Variants in MS4A2 observed in about 807,000 individuals in gnomAD.
The protein encoded by MS4A2 is high affinity immunoglobulin epsilon receptor subunit beta.
In MS4A2, 26 loss-of-function variants were observed where a neutral mutation model predicts 27.9. That is an observed-to-expected ratio of 0.93 (90% CI 0.68 to 1.29). The LOEUF (loss-of-function observed/expected upper bound fraction) is 1.29, where lower values mean the gene tolerates loss of function less well. MS4A2 is among the 50% of genes most tolerant of loss of function. The probability of loss-of-function intolerance (pLI) is 0.00; values close to 1 mark genes in which losing one functional copy is unlikely to be tolerated. For synonymous variants in MS4A2, 110 were observed against 98.8 expected (o/e 1.11, Z -0.67); for missense variants, 284 against 284.6 (o/e 1.00, Z 0.01).
intron 4 of MS4A2, 25 bp downstream of exon 4, chr11:60,092,873 T>A (rs78842432): frequency 6.2e-7 from 1 of 1,606,608 alleles, no homozygotes; most frequent in Non-Finnish European, 8.5e-7. Flanking sequence ...TCTGTCTTTG[T>A]CCATCCTTGA....
In MS4A2 at chr11:60,089,689, C is replaced by T; in HGVS notation, c.57-3C>T. 1 of 1,613,958 alleles carries T rather than the reference C, an allele frequency of 6.2e-7. No homozygotes were observed. The highest frequency in any genetic ancestry group is 8.5e-7 in the Non-Finnish European group (1 of 1,179,962). On this transcript the variant is annotated splice_polypyrimidine_tract_variant and splice_region_variant and intron_variant, in intron 1 of 6. Transcript: ENST00000278888. Reference sequence around the variant, plus strand: ...ATGACTGAATTGCTTTTAAATTTCACAGTGTGCCTGCATTTGAAGTCTTGG... The same window carrying T: ...ATGACTGAATTGCTTTTAAATTTCATAGTGTGCCTGCATTTGAAGTCTTGG...
rs746079093 is a variant in MS4A2 at position 60,097,170 on chromosome 11, T to A, written c.*1514T>A. On this transcript the variant is annotated 3_prime_UTR_variant, in exon 7 of 7. Coordinates refer to ENST00000278888, the MANE Select transcript of MS4A2 (RefSeq NM_000139.5). ...AAGTGAAGCTAAGCTAAACTTCACA[T>A]GCCTATAATTGGAGGGAAAAACTAA... 2.0e-5 allele frequency: 3 copies of A among 152,198 alleles called. No individual in the cohort carries two copies. The highest frequency in any genetic ancestry group is 4.4e-5 in the Non-Finnish European group (3 of 68,030). 9.4% of individuals were successfully genotyped at this position (152,198 alleles called of 1,614,324 possible).
chr11:60,094,149 A>G (rs1454636724), intron 6 of MS4A2, 87 bp downstream of exon 6: 1 of 874,774 alleles, frequency 1.1e-6, no homozygotes, highest in African/African-American at 1.7e-5. Context: ...GGTTTTCTGA[A>G]ACATTTCTTC....
At position 60,090,342 on chromosome 11, in the gene MS4A2, C is replaced by A. The variant is rs985136326; in HGVS notation, c.193C>A (p.Gln65Lys). 45 of 1,612,622 alleles carry A rather than the reference C, an allele frequency of 2.8e-5. No individual in the cohort carries two copies. Among genetic ancestry groups the A allele is most frequent in the Non-Finnish European group, 3.8e-5 (45 of 1,179,836 alleles). Reference sequence around the variant, plus strand: ...TTCATGTGTTTTTCTATAGGTAACACAAATTCTGACTGCTATGATATGCCT... The same window carrying A: ...TTCATGTGTTTTTCTATAGGTAACAAAAATTCTGACTGCTATGATATGCCT... ...KKEQEFLGVT[Q>K]ILTAMICLCF... The change falls in exon 3 of 7, where the codon CAA becomes AAA. Residue 65 changes from glutamine (Q) to lysine (K), a missense_variant. Physicochemically the swap from Gln to Lys is moderately conservative, Grantham distance 53. Transcript: ENST00000278888.
At chr11:60,088,461 C>A, upstream of MS4A2, 1 of 358,030 alleles carries the variant, frequency 2.8e-6, no homozygotes. Flanking sequence ...GTCTCATTTT[C>A]AGGTTCTGTA....
chr11:60,095,881 G>A lies in MS4A2; in HGVS notation c.*225G>A. 1 of 543,632 alleles carries A rather than the reference G, an allele frequency of 1.8e-6. No homozygotes were observed. The highest frequency in any genetic ancestry group is 3.3e-6 in the Non-Finnish European group (1 of 304,170). 33.7% of individuals were successfully genotyped at this position (543,632 alleles called of 1,614,324 possible). The stretch of plus-strand genomic sequence containing the variant: ...TCCTATTTTTCTTGTTTTATATTAT[G>A]ACCACACACATCTCTGCTGGAAAGT... On this transcript the variant is annotated 3_prime_UTR_variant, in exon 7 of 7. Transcript: ENST00000278888.
chr11:60,090,204 A>T, intron 2 of MS4A2, 132 bp from the exon 3 acceptor site: 1 of 931,468 alleles, frequency 1.1e-6, no homozygotes, highest in Non-Finnish European at 1.7e-6. Context: ...GGAAAATCTT[A>T]CGTGTGGATC....
At chr11:60,091,542 C>G (rs943618887) in intron 3 of MS4A2, among the ~76,000 whole-genome samples, 1 of 152,184 alleles carries the variant, frequency 6.6e-6, no homozygotes, top group Non-Finnish European at 1.5e-5. Flanking sequence ...ACTCCTTGTC[C>G]TCTCGTTCCC....
At position 60,093,410 on chromosome 11, in the gene MS4A2, G is replaced by T; in HGVS notation, c.389G>T (p.Ser130Ile). The T allele has an allele frequency of 6.2e-7, 1 of 1,614,194 alleles. No individual in the cohort carries two copies. The highest frequency in any genetic ancestry group is 8.5e-7 in the Non-Finnish European group (1 of 1,180,032). ...RRNATYLVRG[S>I]LGANTASSIA... ...CTTCATTATTATCAGGTGAGAGGAA[G>T]CCTGGGAGCAAACACTGCCAGCAGC... is the stretch of plus-strand genomic sequence containing the variant. The change falls in exon 5 of 7, where the codon AGC becomes ATC. Residue 130 changes from serine (S) to isoleucine (I), a missense_variant. By Grantham distance (142) the Ser-to-Ile change is moderately radical (BLOSUM62 -2). Transcript: ENST00000278888.
At position 60,096,020 on chromosome 11, in the gene MS4A2, T is replaced by C. The variant is rs1855863401; in HGVS notation, c.*364T>C. The C allele has an allele frequency of 3.9e-5, 10 of 256,378 alleles. No homozygotes were observed. The South Asian group carries it at 4.5e-4, about 12-fold the overall frequency. The allele number at this position is 256,378 out of a possible 1,614,324, so 15.9% of individuals were successfully genotyped here. A position where few individuals can be genotyped will look rare whatever the true frequency, so the allele number is the denominator to read the frequency against. On this transcript the variant is annotated 3_prime_UTR_variant, in exon 7 of 7. Transcript: ENST00000278888. ...TGACAGTTTGATAATATTTGGTTCTTAGGGTTTTTTTTTTTTTTTAGCATT... is the reference window on the plus strand; with the variant it reads ...TGACAGTTTGATAATATTTGGTTCTCAGGGTTTTTTTTTTTTTTTAGCATT...
In MS4A2 at chr11:60,090,397, T is replaced by C; in HGVS notation, c.248T>C (p.Leu83Pro). ...TTTGGAACAGTTGTCTGCTCTGTAC[T>C]TGATATTTCACACATTGAGGGAGAC... ...LCFGTVVCSV[L>P]DISHIEGDIF... The change falls in exon 3 of 7, where the codon CTT becomes CCT. Residue 83 changes from leucine to proline, a missense_variant. Coordinates refer to ENST00000278888, the MANE Select transcript of MS4A2 (RefSeq NM_000139.5). 1 of 1,613,558 alleles carries C rather than the reference T, an allele frequency of 6.2e-7. No homozygotes were observed. The highest frequency in any genetic ancestry group is 1.7e-5 in the Admixed American group (1 of 60,022).
chr11:60,094,076 CG>C lies in MS4A2; in HGVS notation c.636+15del, dbSNP rs1565075745. The C allele has an allele frequency of 1.9e-6, 3 of 1,566,076 alleles. No homozygotes were observed. Among genetic ancestry groups the C allele is most frequent in the Non-Finnish European group, 2.6e-6 (3 of 1,136,646 alleles). ...AAAGGAAACAAGGTAGATAGAAGCC[CG>C]ATATAAAATCTTGAATGACAGGTTA... On this transcript the variant is annotated intron_variant, in intron 6 of 6. Transcript: ENST00000278888.
At chr11:60,090,554 C>A in intron 3 of MS4A2, 84 bp downstream of exon 3, 1 of 1,241,002 alleles carries the variant, frequency 8.1e-7, no homozygotes, top group Non-Finnish European at 1.1e-6. Context: ...TGTTTATTCC[C>A]AGTATTAACA....
intron 6 of MS4A2, 75 bp from the exon 7 acceptor site, chr11:60,095,483 G>GT: frequency 1.1e-6 from 1 of 873,150 alleles, no homozygotes; most frequent in Non-Finnish European, 2.0e-6. Context: ...AGTAGATGAG[G>GT]TAAGTCTCTT....
In MS4A2 at chr11:60,095,788, A is replaced by G; in HGVS notation, c.*132A>G. On this transcript the variant is annotated 3_prime_UTR_variant, in exon 7 of 7. Coordinates refer to ENST00000278888, the MANE Select transcript of MS4A2 (RefSeq NM_000139.5). ...TTTACATTAGATTTATTCGCCTGATAAGAATATTTTGTTTCTGCTGCTTCT... is the reference window on the plus strand; with the variant it reads ...TTTACATTAGATTTATTCGCCTGATGAGAATATTTTGTTTCTGCTGCTTCT... 1 of 704,836 alleles carries G rather than the reference A, an allele frequency of 1.4e-6. No individual in the cohort carries two copies. The highest frequency in any genetic ancestry group is 1.5e-5 in the South Asian group (1 of 64,836). The allele number at this position is 704,836 out of a possible 1,614,324, so 43.7% of individuals were successfully genotyped here.
intron 2 of MS4A2, 92 bp from the exon 3 acceptor site, chr11:60,090,244 C>A: frequency 7.9e-7 from 1 of 1,264,508 alleles, no homozygotes; most frequent in Non-Finnish European, 1.1e-6. Context: ...GACACTAACG[C>A]AGTTTCTCAT....
In MS4A2 at chr11:60,095,853, G is replaced by A; in HGVS notation, c.*197G>A. On this transcript the variant is annotated 3_prime_UTR_variant, in exon 7 of 7. Transcript: ENST00000278888. ...TCTCCTTCTATTTGTAGATATGATA[G>A]ACTCCTATTTTTCTTGTTTTATATT... is the stretch of plus-strand genomic sequence containing the variant. The A allele has an allele frequency of 8.5e-6, 5 of 590,658 alleles. No homozygotes were observed. The highest frequency in any genetic ancestry group is 1.5e-5 in the Non-Finnish European group (5 of 332,622). The allele number at this position is 590,658 out of a possible 1,614,324, so 36.6% of individuals were successfully genotyped here. A position where few individuals can be genotyped will look rare whatever the true frequency, so the allele number is the denominator to read the frequency against.
upstream of MS4A2, chr11:60,088,598 C>T: frequency 6.9e-7 from 1 of 1,454,974 alleles, no homozygotes; most frequent in Non-Finnish European, 9.0e-7. Context: ...TGATCTTAAT[C>T]AGCCAAGAAA....
chr11:60,090,763 T>C (rs568918873), intron 3 of MS4A2, among the ~76,000 whole-genome samples: 40 of 152,322 alleles, frequency 2.6e-4, no homozygotes, highest in African/African-American at 9.6e-4. Flanking sequence ...TAATTGAACC[T>C]AAACTTTCAG....
Sources: allele counts gnomAD v4.1 joint callset (sites outside exome capture counted in the v4.1 genomes callset), GRCh38; gene constraint gnomAD v4.1.1; transcripts MANE v1.5; gene names NCBI Gene and HGNC (gene_info 2026-07-23, HGNC 2026-07-21).